Variants in CTIF observed in about 807,000 individuals in gnomAD.
CTIF encodes cap binding complex dependent translation initiation factor.
Under a neutral mutation model 66.0 loss-of-function variants are expected in CTIF, and 21 were observed. That is an observed-to-expected ratio of 0.32 (90% CI 0.23 to 0.46). The LOEUF (loss-of-function observed/expected upper bound fraction) is 0.46. Ranked by LOEUF, CTIF falls within the 20% of genes least tolerant of loss-of-function variation. The pLI is 1.00. For synonymous variants in CTIF, 345 were observed against 326.4 expected (o/e 1.06, Z -0.62); for missense variants, 739 against 812.7 (o/e 0.91, Z 1.10).
Position 48,711,674 on chromosome 18 carries a change from G to T in CTIF, c.563G>T (p.Arg188Leu). ...ATCGCACACACCAAGAAGCTGTTCC[G>T]CAGGAGGAGAAATGATCGAAGGTAG... ...VEIAHTKKLF[R>L]RRRNDRRRQQ... The change falls in exon 7 of 12, where the codon CGC becomes CTC. Residue 188 changes from arginine to leucine, a missense_variant. Arg to Leu is a moderately radical substitution (Grantham distance 102). Around this residue, in one of 2 missense-constraint regions of CTIF, gnomAD observed 529 missense variants for 520.3 expected, o/e 1.02. Coordinates refer to ENST00000256413, the MANE Select transcript of CTIF (RefSeq NM_014772.3). 6.2e-7 allele frequency: 1 copy of T among 1,614,000 alleles called. No homozygotes were observed. The highest frequency in any genetic ancestry group is 8.5e-7 in the Non-Finnish European group (1 of 1,179,910).
intron 1 of CTIF, among the ~76,000 whole-genome samples, chr18:48,547,300 G>A (rs2088775002): frequency 6.6e-6 from 1 of 152,188 alleles, no homozygotes; most frequent in Admixed American, 6.5e-5. Context: ...TGCATACTCA[G>A]GTCAGGTTCT....
At chr18:48,624,772 C>T (rs1234361748) in intron 2 of CTIF, among the ~76,000 whole-genome samples, 1 of 152,172 alleles carries the variant, frequency 6.6e-6, no homozygotes, top group Non-Finnish European at 1.5e-5. Flanking sequence ...CCCTCCATGG[C>T]CTGCTGCCCC....
At chr18:48,570,005 C>T (rs1455204256) in intron 1 of CTIF, among the ~76,000 whole-genome samples, 1 of 152,224 alleles carries the variant, frequency 6.6e-6, no homozygotes, top group African/African-American at 2.4e-5. Flanking sequence ...TTTGTCCGAA[C>T]TTCATGTTAG....
intron 1 of CTIF, among the ~76,000 whole-genome samples, chr18:48,615,926 G>A (rs768620342): frequency 1.3e-5 from 2 of 152,222 alleles, no homozygotes; most frequent in Non-Finnish European, 2.9e-5. Context: ...GGCACCAAAA[G>A]GCTGCAGGTT....
chr18:48,615,243 G>T (rs2090376908), intron 1 of CTIF, among the ~76,000 whole-genome samples: 1 of 152,168 alleles, frequency 6.6e-6, no homozygotes, highest in Non-Finnish European at 1.5e-5. Flanking sequence ...AAAAATTGGG[G>T]GCCTAAGTGC....
intron 9 of CTIF, among the ~76,000 whole-genome samples, chr18:48,773,254 A>G (rs1011594361): frequency 4.6e-5 from 7 of 152,354 alleles, no homozygotes; most frequent in Middle Eastern, 3.4e-3. Flanking sequence ...CCATGAAGAC[A>G]TGTTGATAGG....
chr18:48,808,434 T>C (rs2146271908), intron 9 of CTIF, among the ~76,000 whole-genome samples: 1 of 152,304 alleles, frequency 6.6e-6, no homozygotes, highest in East Asian at 1.9e-4. Context: ...TTTGATGCAT[T>C]CTTCCATTGT....
At chr18:48,819,620 G>A (rs532469818) in intron 10 of CTIF, among the ~76,000 whole-genome samples, 7 of 152,314 alleles carry the variant, frequency 4.6e-5, no homozygotes, top group East Asian at 3.9e-4. Flanking sequence ...AAAGAGCCAC[G>A]CCTAACGCAC....
intron 6 of CTIF, among the ~76,000 whole-genome samples, chr18:48,709,574 C>T (rs1311586682): frequency 6.6e-6 from 1 of 152,226 alleles, no homozygotes; most frequent in Admixed American, 6.5e-5. Context: ...CTGCCGCCGC[C>T]GGTAGGGAGC....
At chr18:48,805,376 A>G (rs1157742160) in intron 9 of CTIF, among the ~76,000 whole-genome samples, 1 of 137,428 alleles carries the variant, frequency 7.3e-6, no homozygotes, top group Admixed American at 7.2e-5. Flanking sequence ...TGTGATAGGA[A>G]CGGAGGAGTG....
At chr18:48,711,090 G>A (rs1484724877) in intron 6 of CTIF, among the ~76,000 whole-genome samples, 2 of 152,146 alleles carry the variant, frequency 1.3e-5, no homozygotes, top group African/African-American at 4.8e-5. Context: ...ATTTCACTGG[G>A]GGTGCCTGGA....
chr18:48,548,974 G>T (rs1033720685), intron 1 of CTIF, among the ~76,000 whole-genome samples: 1 of 151,566 alleles, frequency 6.6e-6, no homozygotes, highest in African/African-American at 2.4e-5. Flanking sequence ...GCCAGAAGTC[G>T]GATGACTGTG....
chr18:48,556,351 C>G (rs1203599736), intron 1 of CTIF, among the ~76,000 whole-genome samples: 1 of 152,186 alleles, frequency 6.6e-6, no homozygotes, highest in Non-Finnish European at 1.5e-5. Flanking sequence ...GAATCTTAAA[C>G]TCTTTGTGAC....
intron 10 of CTIF, among the ~76,000 whole-genome samples, chr18:48,818,022 T>C (rs756238109): frequency 3.3e-5 from 5 of 152,248 alleles, no homozygotes; most frequent in South Asian, 2.1e-4. Context: ...GGTTTGCCAC[T>C]GGATTATTTA....
intron 1 of CTIF, among the ~76,000 whole-genome samples, chr18:48,586,165 G>C (rs1242130655): frequency 6.6e-6 from 1 of 151,994 alleles, no homozygotes; most frequent in African/African-American, 2.4e-5. Flanking sequence ...TAAAATACTC[G>C]TGCCAAATTG....
At chr18:48,740,269 A>G (rs1459721004) in intron 7 of CTIF, among the ~76,000 whole-genome samples, 1 of 152,134 alleles carries the variant, frequency 6.6e-6, no homozygotes, top group Non-Finnish European at 1.5e-5. Context: ...CCTGAAGCCC[A>G]GTTCTGACCA....
chr18:48,645,698 G>A (rs2091018306), intron 3 of CTIF, among the ~76,000 whole-genome samples: 1 of 152,212 alleles, frequency 6.6e-6, no homozygotes, highest in East Asian at 1.9e-4. Flanking sequence ...CTGGGGTGGT[G>A]TCAGAAATAG....
chr18:48,554,156 C>T (rs1232768001), intron 1 of CTIF, among the ~76,000 whole-genome samples: 1 of 152,212 alleles, frequency 6.6e-6, no homozygotes, highest in Non-Finnish European at 1.5e-5. Flanking sequence ...GTTGGTGCCA[C>T]CAGGGGTCCT....
intron 10 of CTIF, among the ~76,000 whole-genome samples, chr18:48,848,931 G>A (rs528891391): frequency 6.6e-6 from 1 of 152,370 alleles, no homozygotes; most frequent in East Asian, 1.9e-4. Flanking sequence ...GTGTGGGCTC[G>A]CACAATTGCC....
Sources: allele counts gnomAD v4.1 joint callset (sites outside exome capture counted in the v4.1 genomes callset), GRCh38; gene constraint gnomAD v4.1.1; regional missense constraint gnomAD v4.1.1; transcripts MANE v1.5; gene names NCBI Gene and HGNC (gene_info 2026-07-23, HGNC 2026-07-21).